Variants in ZNF679 observed in about 807,000 individuals in gnomAD.
The protein encoded by ZNF679 is zinc finger protein 679.
In ZNF679, 10 loss-of-function variants were observed where a neutral mutation model predicts 13.4. The observed-to-expected ratio is 0.75, with a 90% CI of 0.46 to 1.27. The LOEUF is 1.27. Ranked by LOEUF, ZNF679 falls within the 50% of genes most tolerant of loss-of-function variation. The pLI, the probability that ZNF679 is intolerant of heterozygous loss-of-function variation, is 0.00. For missense variants in ZNF679, 525 were observed against 477.8 expected, an observed-to-expected ratio of 1.10 and a Z score of -0.92; for synonymous variants, 179 against 162.5, an observed-to-expected ratio of 1.10 and a Z score of -0.77.
chr7:64,228,993 T>G (rs951980426), intron 1 of ZNF679, among the ~76,000 whole-genome samples: 1 of 147,184 alleles, frequency 6.8e-6, no homozygotes. Context: ...TTTGTACCAT[T>G]TGAGATCTTC....
intron 1 of ZNF679, among the ~76,000 whole-genome samples, chr7:64,228,979 A>G (rs1345462556): frequency 1.3e-5 from 2 of 151,188 alleles, no homozygotes; most frequent in Non-Finnish European, 3.0e-5. Flanking sequence ...CTGTTATGAC[A>G]CTCTTTGTAC....
At chr7:64,231,237 A>G (rs918753061) in intron 1 of ZNF679, among the ~76,000 whole-genome samples, 1 of 152,240 alleles carries the variant, frequency 6.6e-6, no homozygotes. Flanking sequence ...GGTCCAGGTA[A>G]GAGAGTCATC....
intron 1 of ZNF679, among the ~76,000 whole-genome samples, chr7:64,232,943 A>G (rs1311893987): frequency 6.6e-6 from 1 of 152,212 alleles, no homozygotes. Flanking sequence ...GGCAGGGCCC[A>G]AGAAATAGAG....
At chr7:64,235,877 A>G (rs1427744408) in intron 1 of ZNF679, among the ~76,000 whole-genome samples, 1 of 150,706 alleles carries the variant, frequency 6.6e-6, no homozygotes, top group Non-Finnish European at 1.5e-5. Context: ...TAGAGCAGAG[A>G]TAGATTTCAT....
chr7:64,245,542 G>C (rs960442657), intron 1 of ZNF679, among the ~76,000 whole-genome samples: 4 of 152,098 alleles, frequency 2.6e-5, no homozygotes, highest in Non-Finnish European at 5.9e-5. Flanking sequence ...CCCACGCATT[G>C]AATCAAAAGT....
At chr7:64,262,058 G>A (rs570586581) in intron 4 of ZNF679, among the ~76,000 whole-genome samples, 18 of 152,040 alleles carry the variant, frequency 1.2e-4, no homozygotes, top group Non-Finnish European at 2.2e-4. Flanking sequence ...GTTTCACCAT[G>A]TTGGTCAGGT....
chr7:64,246,183 TA>T (rs1397654399), intron 1 of ZNF679, among the ~76,000 whole-genome samples: 5 of 152,320 alleles, frequency 3.3e-5, no homozygotes, highest in African/African-American at 1.2e-4. Flanking sequence ...TGCCTTTTAT[TA>T]AAAGGGACCT....
At chr7:64,246,505 T>C (rs534549578) in intron 1 of ZNF679, among the ~76,000 whole-genome samples, 1 of 152,082 alleles carries the variant, frequency 6.6e-6, no homozygotes, top group African/African-American at 2.4e-5. Context: ...GGCAGATCAC[T>C]TGAGGTCAGG....
chr7:64,231,523 G>A (rs749881740), intron 1 of ZNF679, among the ~76,000 whole-genome samples: 3 of 152,014 alleles, frequency 2.0e-5, no homozygotes, highest in Non-Finnish European at 4.4e-5. Context: ...CTTGGCTTAG[G>A]CCAGGGAGCA....
At chr7:64,260,741 T>A in intron 3 of ZNF679, 93 bp from the exon 4 acceptor site, 1 of 1,279,838 alleles carries the variant, frequency 7.8e-7, no homozygotes, top group Non-Finnish European at 1.0e-6. Flanking sequence ...TTTCTAGAAT[T>A]TTCTATTATA....
intron 2 of ZNF679, among the ~76,000 whole-genome samples, chr7:64,251,447 A>G (rs1367530300): frequency 6.6e-6 from 1 of 152,060 alleles, no homozygotes; most frequent in African/African-American, 2.4e-5. Context: ...GAGTGAGACC[A>G]TATCTCAAAA....
At position 64,249,149 on chromosome 7, in the gene ZNF679, G is replaced by A. The variant is rs745552363; in HGVS notation, c.32G>A (p.Arg11Gln). Residue 11 changes from arginine to glutamine, a missense_variant, in exon 2 of 5, where the codon CGA (arginine) becomes CAA (glutamine). Coordinates refer to ENST00000421025, the MANE Select transcript of ZNF679 (RefSeq NM_153363.3). The stretch of plus-strand genomic sequence containing the variant: ...AAAAGACCGGGATCCCCTGGAAGCC[G>A]AGAAATGGTGAGTGCTGGGTCTGTC... MAKRPGSPGS[R>Q]EMGLLTFRDV... The A allele has an allele frequency of 2.4e-5, 39 of 1,614,150 alleles. No individual in the cohort carries two copies. Among genetic ancestry groups the A allele is most frequent in the Non-Finnish European group, 3.1e-5 (37 of 1,180,020 alleles).
intron 2 of ZNF679, among the ~76,000 whole-genome samples, chr7:64,257,292 T>C (rs1324587483): frequency 1.3e-5 from 2 of 152,206 alleles, no homozygotes; most frequent in East Asian, 3.8e-4. Flanking sequence ...ATTTCAGCTC[T>C]AATTAGTTTC....
rs760322242 is a variant in ZNF679, at chr7:64,260,342, C to T, written c.161C>T (p.Ser54Phe). ...TTAGAGAACTACAGAAACCTGGTCT[C>T]CCTGGGTGAGGATAACTTCAATACA... is the stretch of plus-strand genomic sequence containing the variant. ...VMLENYRNLVSLGIAVSKPDL... is the reference protein window; with the variant it reads ...VMLENYRNLVFLGIAVSKPDL... The change falls in exon 3 of 5, where the codon TCC (serine) becomes TTC (phenylalanine). Residue 54 changes from serine (S) to phenylalanine (F), a missense_variant. Transcript: ENST00000421025. The T allele has an allele frequency of 5.6e-6, 9 of 1,604,846 alleles. No individual in the cohort carries two copies. The highest frequency in any genetic ancestry group is 2.2e-5 in the South Asian group (2 of 89,006).
chr7:64,233,583 G>A (rs559382406), intron 1 of ZNF679, among the ~76,000 whole-genome samples: 42 of 152,186 alleles, frequency 2.8e-4, no homozygotes, highest in African/African-American at 7.0e-4. Context: ...CTTTGCTTCC[G>A]TGTAACCTGC....
At chr7:64,248,926 A>C (rs1033596738) in intron 1 of ZNF679, 102 bp from the exon 2 acceptor site, 38 of 829,456 alleles carry the variant, frequency 4.6e-5, no homozygotes, top group Admixed American at 4.1e-4. Flanking sequence ...AACCTTATCC[A>C]ATCAGGGGCC....
At chr7:64,254,816 A>G (rs1316643123) in intron 2 of ZNF679, among the ~76,000 whole-genome samples, 3 of 152,042 alleles carry the variant, frequency 2.0e-5, no homozygotes, top group Admixed American at 6.6e-5. Context: ...CCTGGCCAAC[A>G]TGGTGAAATC....
chr7:64,235,820 G>C (rs1447097545), intron 1 of ZNF679, among the ~76,000 whole-genome samples: 3 of 145,694 alleles, frequency 2.1e-5, no homozygotes, highest in East Asian at 4.1e-4. Context: ...GAAAGAGACA[G>C]AGAGAGAGAG....
chr7:64,232,041 G>A (rs919873658), intron 1 of ZNF679, among the ~76,000 whole-genome samples: 1 of 152,206 alleles, frequency 6.6e-6, no homozygotes, highest in African/African-American at 2.4e-5. Context: ...TCTTAGTAGG[G>A]CAGAGACACC....
Sources: allele counts gnomAD v4.1 joint callset (sites outside exome capture counted in the v4.1 genomes callset), GRCh38; gene constraint gnomAD v4.1.1; transcripts MANE v1.5; gene names NCBI Gene and HGNC (gene_info 2026-07-23, HGNC 2026-07-21).